Variants in RASGRP1 observed in about 807,000 individuals in gnomAD.
RASGRP1 encodes RAS guanyl releasing protein 1, also known as RAS guanyl-releasing protein 1.
Under a neutral mutation model 95.1 loss-of-function variants are expected in RASGRP1, and 37 were observed. The observed-to-expected ratio is 0.39, with a 90% CI of 0.30 to 0.51. The LOEUF (loss-of-function observed/expected upper bound fraction) is 0.51. Among genes scored for constraint, RASGRP1 ranks in the 20% least tolerant of loss-of-function variants. RASGRP1 has a pLI of 0.80. For synonymous variants in RASGRP1, 325 were observed against 353.4 expected (o/e 0.92, Z 0.90); for missense variants, 711 against 965.4 (o/e 0.74, Z 3.49).
At chr15:38,546,873 C>T (rs1165897697) in intron 2 of RASGRP1, among the ~76,000 whole-genome samples, 1 of 152,176 alleles carries the variant, frequency 6.6e-6, no homozygotes, top group Non-Finnish European at 1.5e-5. Context: ...CAGCTTCCCC[C>T]CATCCAGAAC....
chr15:38,497,547 A>C (rs974694163), intron 15 of RASGRP1, among the ~76,000 whole-genome samples: 3 of 152,070 alleles, frequency 2.0e-5, no homozygotes, highest in African/African-American at 7.2e-5. Flanking sequence ...CCTTCTCCAT[A>C]AAGTCCCAAC....
At chr15:38,527,807 T>A (rs147838156) in intron 2 of RASGRP1, among the ~76,000 whole-genome samples, 104 of 152,112 alleles carry the variant, frequency 6.8e-4, no homozygotes, top group African/African-American at 2.2e-3. Context: ...TGAGAAAATA[T>A]AAGTGGCTGG....
rs140089267 is a variant in RASGRP1 at position 38,515,364 on chromosome 15, G to A, written c.675+833C>T. The stretch of plus-strand genomic sequence containing the variant: ...ACGGAGGTGAAGACTGTATCTGTTG[G>A]TAGGGGTAGGGGCTAAGTGGAATAA... On this transcript the variant is annotated intron_variant, in intron 6 of 16. Coordinates refer to ENST00000310803, the MANE Select transcript of RASGRP1 (RefSeq NM_005739.4). Among the ~76,000 whole-genome samples, 305 of 152,308 alleles carry A rather than the reference G, an allele frequency of 2.0e-3. 3 individuals carry two copies. The highest frequency in any genetic ancestry group is 6.8e-3 in the African/African-American group (282 of 41,588).
chr15:38,536,277 C>T (rs567462426), intron 2 of RASGRP1, among the ~76,000 whole-genome samples: 9 of 152,244 alleles, frequency 5.9e-5, no homozygotes, highest in African/African-American at 1.7e-4. Flanking sequence ...GAAGGAGCAG[C>T]GGGGCCCTGT....
chr15:38,564,027 T>C (rs759418195), intron 1 of RASGRP1, among the ~76,000 whole-genome samples: 5 of 152,162 alleles, frequency 3.3e-5, no homozygotes, highest in African/African-American at 9.7e-5. Context: ...CTCTATAGAA[T>C]CATAGTGAGG....
chr15:38,511,510 TG>T, intron 8 of RASGRP1, 93 bp downstream of exon 8: 1 of 933,878 alleles, frequency 1.1e-6, no homozygotes, highest in Non-Finnish European at 1.7e-6. Context: ...ATGGTGTGGT[TG>T]GAAATGCTCT....
chr15:38,513,252 T>G (rs1289471111), intron 6 of RASGRP1, among the ~76,000 whole-genome samples: 1 of 152,240 alleles, frequency 6.6e-6, no homozygotes, highest in Non-Finnish European at 1.5e-5. Context: ...ATATTGTTAC[T>G]GACTATTCTA....
rs776389257 is a variant in RASGRP1, at chr15:38,559,852, G to A, written c.189C>T (p.Asp63=). The A allele has an allele frequency of 9.3e-6, 15 of 1,613,848 alleles. No homozygotes were observed. In the Middle Eastern group the frequency reaches 4.9e-4, roughly 53 times the overall value. The change falls in exon 2 of 17, where the codon GAC becomes GAT. Residue 63 remains aspartate (D), a synonymous_variant. Transcript: ENST00000310803. ...LGHLAKGASL[D]DLIDSCIQSF... ...ATTGAATGCAGCTGTCAATGAGATC[G>A]TCCAGGCTGGCTCCTTTGGCTAAAT...
chr15:38,494,733 C>T lies in RASGRP1; in HGVS notation c.1908G>A (p.Gly636=), dbSNP rs1427554079. The T allele has an allele frequency of 6.6e-7, 1 of 1,508,894 alleles. No individual in the cohort carries two copies. Among genetic ancestry groups the T allele is most frequent in the East Asian group, 2.3e-5 (1 of 43,860 alleles). The allele number at this position is 1,508,894 out of a possible 1,614,324, so 93.5% of individuals were successfully genotyped here. ...PEEGPFTFPN[G]EAVEHGEESK... is the part of the protein sequence containing the mutation. The stretch of plus-strand genomic sequence containing the variant: ...TCTCCTCACCATGTTCCACAGCCTC[C>T]CCATTAGGGAATGTAAAAGGTCCTT... The change falls in exon 16 of 17, where the codon GGG becomes GGA. Residue 636 remains glycine (G), a synonymous_variant. Coordinates refer to ENST00000310803, the MANE Select transcript of RASGRP1 (RefSeq NM_005739.4).
At chr15:38,543,561 C>CTTT (rs1312763434) in intron 2 of RASGRP1, among the ~76,000 whole-genome samples, 8 of 60,634 alleles carry the variant, frequency 1.3e-4, no homozygotes, top group Non-Finnish European at 2.4e-4. Flanking sequence ...AAACTCTAGT[C>CTTT]TTTTTTTTTT....
At chr15:38,491,024 T>C (rs1221123028) in intron 16 of RASGRP1, among the ~76,000 whole-genome samples, 1 of 152,230 alleles carries the variant, frequency 6.6e-6, no homozygotes, top group African/African-American at 2.4e-5. Flanking sequence ...TCTGGTCAGG[T>C]CTGAGCCATG....
intron 3 of RASGRP1, among the ~76,000 whole-genome samples, chr15:38,523,105 G>A (rs1173055379): frequency 1.3e-5 from 2 of 152,146 alleles, no homozygotes; most frequent in African/African-American, 2.4e-5. Context: ...GGTGAAAGCA[G>A]GGGAGAAGTC....
At chr15:38,511,088 G>A (rs1041662489) in intron 8 of RASGRP1, among the ~76,000 whole-genome samples, 11 of 152,304 alleles carry the variant, frequency 7.2e-5, no homozygotes, top group African/African-American at 2.6e-4. Flanking sequence ...AAAACATTAT[G>A]TATTACAAAA....
At chr15:38,525,691 C>T (rs1011298301) in intron 3 of RASGRP1, among the ~76,000 whole-genome samples, 11 of 152,150 alleles carry the variant, frequency 7.2e-5, no homozygotes, top group Admixed American at 4.6e-4. Flanking sequence ...GGTCTCACTC[C>T]GCCTACAACT....
chr15:38,511,552 C>G, intron 8 of RASGRP1, 52 bp downstream of exon 8: 3 of 1,398,636 alleles, frequency 2.1e-6, no homozygotes, highest in Non-Finnish European at 3.0e-6. Flanking sequence ...AAAATGTTGG[C>G]ACACATCTTG....
chr15:38,512,968 G>T lies in RASGRP1; in HGVS notation c.676-12C>A, dbSNP rs535688290. On this transcript the variant is annotated splice_polypyrimidine_tract_variant and intron_variant, in intron 6 of 16. Transcript: ENST00000310803. The stretch of plus-strand genomic sequence containing the variant: ...TGATAATCAGAGAACTGCAGGAAAA[G>T]AAACAACAACAACAAAAAAAACCTA... 6.0e-6 allele frequency: 9 copies of T among 1,499,862 alleles called. No individual in the cohort carries two copies. The highest frequency in any genetic ancestry group is 4.2e-5 in the African/African-American group (3 of 70,890). 92.9% of individuals were successfully genotyped at this position (1,499,862 alleles called of 1,614,324 possible).
rs1891234160 is a variant in RASGRP1 at position 38,505,860 on chromosome 15, G to T, written c.1303C>A (p.Pro435Thr). 2 of 1,611,452 alleles carry T rather than the reference G, an allele frequency of 1.2e-6. No homozygotes were observed. Among genetic ancestry groups the T allele is most frequent in the Non-Finnish European group, 1.7e-6 (2 of 1,178,238 alleles). ...EIYELSYARE[P>T]RNHRAPPLTP... ...CTCACTGGAGCTCTGTGGTTCCTTG[G>T]TTCCCGGGCATAGGAAAGCTCATAG... The change falls in exon 10 of 17, where the codon CCA (proline) becomes ACA (threonine). Residue 435 changes from proline to threonine, a missense_variant. Physicochemically the swap from Pro to Thr is conservative, Grantham distance 38 (BLOSUM62 -1). Coordinates refer to ENST00000310803, the MANE Select transcript of RASGRP1 (RefSeq NM_005739.4).
chr15:38,494,061 A>G (rs543677622), intron 16 of RASGRP1, among the ~76,000 whole-genome samples: 1 of 152,318 alleles, frequency 6.6e-6, no homozygotes, highest in East Asian at 1.9e-4. Context: ...AGCCTACTAA[A>G]CAGGGCTTTG....
In RASGRP1 at chr15:38,554,974, A is replaced by G. The variant is rs1217917079; in HGVS notation, c.220+4847T>C. Among the ~76,000 whole-genome samples the G allele has an allele frequency of 3.3e-5, 5 of 152,338 alleles. No individual in the cohort carries two copies. The South Asian group carries it at 8.3e-4, about 25-fold the overall frequency. On this transcript the variant is annotated intron_variant, in intron 2 of 16. Transcript: ENST00000310803. ...TGGTGTTGCCTGTTATTAGGTCTGC[A>G]TCCCCAATGATGTCATGGCCCTTGG...
Sources: allele counts gnomAD v4.1 joint callset (sites outside exome capture counted in the v4.1 genomes callset), GRCh38; gene constraint gnomAD v4.1.1; transcripts MANE v1.5; gene names NCBI Gene and HGNC (gene_info 2026-07-23, HGNC 2026-07-21).